The following BAZ2B variants were observed in gnomAD, a reference collection of about 807,000 sequenced individuals.
The protein encoded by BAZ2B is bromodomain adjacent to zinc finger domain protein 2B.
BAZ2B carries 91 observed loss-of-function variants against 246.0 expected under a neutral mutation model. The observed-to-expected ratio is 0.37, with a 90% CI of 0.31 to 0.44. The LOEUF (loss-of-function observed/expected upper bound fraction) is 0.44. BAZ2B is among the 20% of genes least tolerant of loss of function. The pLI, the probability that BAZ2B is intolerant of heterozygous loss-of-function variation, is 1.00. For missense variants in BAZ2B, 2,332 were observed against 2,533.7 expected, an observed-to-expected ratio of 0.92 and a Z score of 1.71; for synonymous variants, 855 against 860.0, an observed-to-expected ratio of 0.99 and a Z score of 0.10.
At chr2:159,585,944 ACATGTCTACTTATGC>A (rs2151664259) in intron 1 of BAZ2B, among the ~76,000 whole-genome samples, 1 of 152,312 alleles carries the variant, frequency 6.6e-6, no homozygotes, top group East Asian at 1.9e-4. Context: ...TTTTTTCTTT[ACATGTCTACTTATGC>A]CAAATTTTTG....
rs954917513 is a variant in BAZ2B, at chr2:159,319,018, T to C, written c.*1247A>G. 5 of 152,650 alleles carry C rather than the reference T, an allele frequency of 3.3e-5. No individual in the cohort carries two copies. In the East Asian group the frequency reaches 5.8e-4, roughly 18 times the overall value. 9.5% of individuals were successfully genotyped at this position (152,650 alleles called of 1,614,324 possible). ...TCTTTTATTGTATCCGTGCCACACA[T>C]AGTGAAAAATAACACTCCTAAAAAA... On this transcript the variant is annotated 3_prime_UTR_variant, in exon 37 of 37. Transcript: ENST00000392783. This position sits in a 1 kb window ranked among gnomAD's most constrained non-coding sequence, Gnocchi z 4.0.
intron 1 of BAZ2B, chr2:159,615,200 A>C (rs1695637906): frequency 6.6e-6 from 1 of 151,736 alleles, no homozygotes; most frequent in African/African-American, 2.4e-5. Context: ...CTGACTCTTC[A>C]AACACTTCCT....
intron 2 of BAZ2B, among the ~76,000 whole-genome samples, chr2:159,551,806 T>A (rs756732472): frequency 1.1e-4 from 16 of 152,230 alleles, no homozygotes; most frequent in Non-Finnish European, 2.2e-4. Context: ...TCATGTAATT[T>A]TAGACAAGTA....
intron 3 of BAZ2B, among the ~76,000 whole-genome samples, chr2:159,456,427 G>A (rs28513494): frequency 0.44 from 66,848 of 151,712 alleles, 15,247 homozygotes; most frequent in Middle Eastern, 0.57. Context: ...AACATAAGCA[G>A]TAAATAAATG....
In BAZ2B at chr2:159,438,325, G is replaced by C. The variant is rs373809585; in HGVS notation, c.1271C>G (p.Thr424Ser). 7.4e-6 allele frequency: 12 copies of C among 1,613,444 alleles called. No homozygotes were observed. The African/African-American group carries it at 1.2e-4, about 16-fold the overall frequency. Residue 424 changes from threonine (T) to serine (S), a missense_variant, in exon 8 of 37, where the codon ACC (threonine) becomes AGC (serine). Transcript: ENST00000392783. ...KNTSEESSLL[T>S]SELRSKREQY... is the part of the protein sequence containing the mutation. ...CACCCGTTTGGATCTCAATTCACTGGTCAATAAACTAGATTCTTCAGAGGT... is the reference window on the plus strand; with the variant it reads ...CACCCGTTTGGATCTCAATTCACTGCTCAATAAACTAGATTCTTCAGAGGT...
intron 2 of BAZ2B, among the ~76,000 whole-genome samples, chr2:159,496,783 CAAAAAAAAAAAAA>C (rs10713062): frequency 4.7e-5 from 3 of 64,202 alleles, no homozygotes; most frequent in Non-Finnish European, 8.2e-5. Flanking sequence ...AACTCCGTCT[CAAAAAAAAAAAAA>C]AAAAAAAAAA....
chr2:159,412,992 A>G (rs1559322951), intron 13 of BAZ2B, among the ~76,000 whole-genome samples: 1 of 152,222 alleles, frequency 6.6e-6, no homozygotes, highest in South Asian at 2.1e-4. Flanking sequence ...AAATTAAGAC[A>G]GAAAGAGTTA....
chr2:159,516,120 A>C (rs934035575), intron 2 of BAZ2B, among the ~76,000 whole-genome samples: 1 of 152,086 alleles, frequency 6.6e-6, no homozygotes, highest in Non-Finnish European at 1.5e-5. Context: ...AATCCTCCAA[A>C]CTTAAACAGT....
At chr2:159,352,877 C>T (rs2058706173) in intron 27 of BAZ2B, among the ~76,000 whole-genome samples, 1 of 152,162 alleles carries the variant, frequency 6.6e-6, no homozygotes, top group African/African-American at 2.4e-5. Context: ...CAGTGGCATG[C>T]ACCTGTAGTC....
chr2:159,567,165 C>A (rs775659493), intron 1 of BAZ2B, among the ~76,000 whole-genome samples: 4 of 152,078 alleles, frequency 2.6e-5, no homozygotes, highest in Non-Finnish European at 5.9e-5. Context: ...ATCGCTTGAA[C>A]CCGGGAAGCA....
chr2:159,480,373 T>C (rs973469055), intron 2 of BAZ2B, among the ~76,000 whole-genome samples: 4 of 152,098 alleles, frequency 2.6e-5, no homozygotes, highest in Non-Finnish European at 5.9e-5. Flanking sequence ...CAATATAAAA[T>C]AGTCATTAAC....
chr2:159,318,236 T>C (rs147090959), downstream of BAZ2B, among the ~76,000 whole-genome samples: 3 of 152,370 alleles, frequency 2.0e-5, no homozygotes, highest in Non-Finnish European at 4.4e-5. Flanking sequence ...CAGACACTTT[T>C]ATTCACAGTG....
In BAZ2B at chr2:159,568,181, T is replaced by A. The variant is rs575928845; in HGVS notation, c.-45-12316A>T. Among the ~76,000 whole-genome samples, 68 of 152,312 alleles carry A rather than the reference T, an allele frequency of 4.5e-4. No individual in the cohort carries two copies. In the South Asian group the frequency reaches 0.013, roughly 29 times the overall value. ...CAGTCACTCTCCATTCCTTGGTCTGTCTCTGGTGAATTCTCTTCCTCCTCA... is the reference window on the plus strand; with the variant it reads ...CAGTCACTCTCCATTCCTTGGTCTGACTCTGGTGAATTCTCTTCCTCCTCA... On this transcript the variant is annotated intron_variant, in intron 1 of 36. Coordinates refer to ENST00000392783, the MANE Select transcript of BAZ2B (RefSeq NM_013450.4).
chr2:159,698,417 T>G, the BAZ2B span, among the ~76,000 whole-genome samples: 9 of 150,634 alleles, frequency 6.0e-5, no homozygotes, highest in Non-Finnish European at 1.2e-4. Context: ...GCTACTCAGA[T>G]GACTTGAGCC....
chr2:159,585,861 G>C (rs1218730171), intron 1 of BAZ2B, among the ~76,000 whole-genome samples: 2 of 152,236 alleles, frequency 1.3e-5, no homozygotes, highest in Non-Finnish European at 1.5e-5. Context: ...AGGCTTGTCA[G>C]CTGTGACCTG....
chr2:159,709,118 C>T, the BAZ2B span, among the ~76,000 whole-genome samples: 1 of 149,938 alleles, frequency 6.7e-6, no homozygotes, highest in African/African-American at 2.4e-5. Context: ...TAGGAGTCCT[C>T]ATGACATTTT....
downstream of BAZ2B, among the ~76,000 whole-genome samples, chr2:159,316,058 A>C (rs1686588651): frequency 6.6e-6 from 1 of 152,200 alleles, no homozygotes; most frequent in Non-Finnish European, 1.5e-5. Flanking sequence ...CGTATTTTTC[A>C]TATTATATAA....
intron 13 of BAZ2B, among the ~76,000 whole-genome samples, chr2:159,417,210 G>A (rs1372070737): frequency 2.7e-5 from 4 of 149,942 alleles, no homozygotes; most frequent in Non-Finnish European, 5.9e-5. Flanking sequence ...TCACTCTGTG[G>A]CCTAAGCTGT....
At chr2:159,435,318 T>C (rs1428801522) in intron 8 of BAZ2B, 1 of 150,146 alleles carries the variant, frequency 6.7e-6, no homozygotes, top group Non-Finnish European at 1.5e-5. Context: ...TAGCTGAGAC[T>C]ATGGGCACGT....
Sources: allele counts gnomAD v4.1 joint callset (sites outside exome capture counted in the v4.1 genomes callset), GRCh38; gene constraint gnomAD v4.1.1; non-coding constraint Gnocchi (gnomAD v3.1); transcripts MANE v1.5; gene names NCBI Gene and HGNC (gene_info 2026-07-23, HGNC 2026-07-21).